The following ST7 variants were observed in gnomAD, a reference collection of about 807,000 sequenced individuals.
The protein encoded by ST7 is suppressor of tumorigenicity 7 protein.
ST7 carries 28 observed loss-of-function variants against 78.7 expected under a neutral mutation model. That is an observed-to-expected ratio of 0.36 (90% CI 0.26 to 0.49). The LOEUF (loss-of-function observed/expected upper bound fraction) is 0.49, where lower values mean the gene tolerates loss of function less well. ST7 is among the 20% of genes least tolerant of loss of function. ST7 has a pLI of 0.99. For synonymous variants in ST7, 247 were observed against 249.6 expected, an observed-to-expected ratio of 0.99 and a Z score of 0.10; for missense variants, 418 against 696.0, an observed-to-expected ratio of 0.60 and a Z score of 4.49.
chr7:117,119,935 CTT>C (rs34616975), intron 3 of ST7, among the ~76,000 whole-genome samples: 1 of 145,656 alleles, frequency 6.9e-6, no homozygotes. Flanking sequence ...TTTTACCCTC[CTT>C]TTTTTTTTTA....
At chr7:117,213,817 A>G (rs1213665617) in intron 13 of ST7, among the ~76,000 whole-genome samples, 2 of 152,196 alleles carry the variant, frequency 1.3e-5, no homozygotes, top group African/African-American at 4.8e-5. Context: ...ATATGTTTCC[A>G]GTTCATTACA....
At chr7:117,113,549 A>G (rs748484552) in intron 2 of ST7, among the ~76,000 whole-genome samples, 3 of 152,228 alleles carry the variant, frequency 2.0e-5, no homozygotes, top group South Asian at 2.1e-4. Flanking sequence ...ACATAGACCA[A>G]TGCTTAGCAC....
chr7:117,059,807 C>CAA (rs35792944), intron 1 of ST7, among the ~76,000 whole-genome samples: 421 of 31,874 alleles, frequency 0.013, 26 homozygotes, highest in African/African-American at 0.036. Context: ...TTCATCTCTG[C>CAA]AAAAAAAAAA....
chr7:117,065,797 A>T (rs1217930781), intron 1 of ST7, among the ~76,000 whole-genome samples: 1 of 152,088 alleles, frequency 6.6e-6, no homozygotes, highest in Non-Finnish European at 1.5e-5. Context: ...CTGTTCAAAA[A>T]CCGTCAGTGA....
intron 2 of ST7, chr7:117,118,331 T>G (rs191012070): frequency 3.3e-5 from 5 of 152,308 alleles, no homozygotes; most frequent in African/African-American, 1.2e-4. Flanking sequence ...ACTCAACCTA[T>G]AGTCAAAAAG....
rs575088772 is a variant in ST7 at position 117,204,571 on chromosome 7, T to G, written c.1255-5216T>G. Among the ~76,000 whole-genome samples, 333 of 152,292 alleles carry G rather than the reference T, an allele frequency of 2.2e-3. 1 individual carries two copies. The highest frequency in any genetic ancestry group is 6.9e-3 in the Admixed American group (106 of 15,294). The stretch of plus-strand genomic sequence containing the variant: ...CTGAGTGAGCCATGGCTACTTGCAG[T>G]GTTTTTTTTGTCCTGTGCCTGCTTT... On this transcript the variant is annotated intron_variant, in intron 12 of 15. Coordinates refer to ENST00000323984, the MANE Select transcript of ST7 (RefSeq NM_001369598.1).
At chr7:117,221,891 C>G (rs777876257) in intron 14 of ST7, 32 bp from the exon 15 acceptor site, 1 of 1,588,566 alleles carries the variant, frequency 6.3e-7, no homozygotes, top group South Asian at 1.2e-5. Flanking sequence ...TTTACTCCAG[C>G]CCTGATATTT....
At chr7:116,994,704 G>A (rs372144618) in intron 1 of ST7, among the ~76,000 whole-genome samples, 22 of 152,234 alleles carry the variant, frequency 1.4e-4, no homozygotes, top group African/African-American at 5.3e-4. Flanking sequence ...TTAACCATTC[G>A]AGGGAATACT....
intron 1 of ST7, among the ~76,000 whole-genome samples, chr7:117,048,463 GTCT>G (rs1797603974): frequency 6.6e-6 from 1 of 152,052 alleles, no homozygotes; most frequent in East Asian, 1.9e-4. Flanking sequence ...GCATTTTTAT[GTCT>G]TCTTCATCAT....
intron 6 of ST7, 151 bp from the exon 7 acceptor site, chr7:117,133,973 T>C: frequency 1.0e-6 from 1 of 986,940 alleles, no homozygotes; most frequent in South Asian, 1.8e-5. Flanking sequence ...CTTCTGAATC[T>C]CATGCCATTG....
At chr7:117,141,139 C>T (rs747651474) in intron 9 of ST7, among the ~76,000 whole-genome samples, 13 of 152,170 alleles carry the variant, frequency 8.5e-5, no homozygotes, top group Non-Finnish European at 1.9e-4. Flanking sequence ...TCCAGACAGC[C>T]TGCTGATAGA....
chr7:117,010,664 C>T (rs954743002), intron 1 of ST7, among the ~76,000 whole-genome samples: 2 of 152,148 alleles, frequency 1.3e-5, no homozygotes, highest in Non-Finnish European at 2.9e-5. Context: ...AGGGAAAACC[C>T]CCTATTTTCA....
rs373364127 is a variant in ST7, at chr7:116,959,193, A to G, written c.151+5502A>G. 1.1e-5 allele frequency: 5 copies of G among 470,008 alleles called. No homozygotes were observed. In the East Asian group the frequency reaches 3.5e-4, roughly 33 times the overall value. 29.1% of individuals were successfully genotyped at this position (470,008 alleles called of 1,614,324 possible). A position where few individuals can be genotyped will look rare whatever the true frequency, so the allele number is the denominator to read the frequency against. On this transcript the variant is annotated intron_variant, in intron 1 of 15. Transcript: ENST00000323984. ...CTTCACCAGGAGTAGATTCTATCTC[A>G]AAACACTTTCTTTGCTCATCAAAAG...
chr7:117,057,239 ATAACTCC>A (rs1361363121), intron 1 of ST7, among the ~76,000 whole-genome samples: 2 of 152,194 alleles, frequency 1.3e-5, no homozygotes, highest in Non-Finnish European at 2.9e-5. Flanking sequence ...TTCAAGTAGA[ATAACTCC>A]ATTTATTCTT....
intron 2 of ST7, among the ~76,000 whole-genome samples, chr7:117,102,045 A>G (rs1399734870): frequency 6.6e-6 from 1 of 152,250 alleles, no homozygotes; most frequent in Non-Finnish European, 1.5e-5. Context: ...AGAAAAATAA[A>G]GACCCTGTAG....
intron 1 of ST7, among the ~76,000 whole-genome samples, chr7:117,025,893 A>G (rs1796160580): frequency 6.6e-6 from 1 of 152,218 alleles, no homozygotes; most frequent in Non-Finnish European, 1.5e-5. Context: ...ATATTTATAT[A>G]CTAGTACAGA....
At chr7:117,076,435 A>G (rs1018816278) in intron 1 of ST7, 1 of 152,242 alleles carries the variant, frequency 6.6e-6, no homozygotes, top group Non-Finnish European at 1.5e-5. Flanking sequence ...CTTGCTAGTG[A>G]GGCAGGATAT....
chr7:117,047,345 A>C (rs541057197), intron 1 of ST7, among the ~76,000 whole-genome samples: 9 of 152,306 alleles, frequency 5.9e-5, no homozygotes, highest in Admixed American at 2.6e-4. Context: ...GTTTCTTCAG[A>C]ACGACTTAAT....
intron 4 of ST7, 40 bp from the exon 5 acceptor site, chr7:117,130,451 T>C (rs1466672092): frequency 3.4e-6 from 5 of 1,465,926 alleles, no homozygotes; most frequent in Non-Finnish European, 4.7e-6. Flanking sequence ...CTTGCTTTTC[T>C]CTCTCAAAAG....
Sources: gnomAD v4.1 joint callset for allele counts (sites outside exome capture counted in the v4.1 genomes callset) on GRCh38, gnomAD v4.1.1 for gene constraint, MANE v1.5 for transcripts, NCBI Gene and HGNC (gene_info 2026-07-23, HGNC 2026-07-21) for gene names.